CDYL2: variants seen among roughly 807,000 people sequenced by gnomAD.
CDYL2 encodes chromodomain Y-like protein 2.
In CDYL2, 23 loss-of-function variants were observed where a neutral mutation model predicts 49.4. The ratio of observed to expected loss-of-function variants is 0.47; its 90% CI spans 0.34 to 0.66. The LOEUF (loss-of-function observed/expected upper bound fraction) is 0.66, where lower values mean the gene tolerates loss of function less well. Ranked by LOEUF, CDYL2 falls within the 30% of genes least tolerant of loss-of-function variation. The pLI is 0.01. For missense variants in CDYL2, 678 were observed against 656.4 expected (o/e 1.03, Z -0.36); for synonymous variants, 360 against 268.8 (o/e 1.34, Z -3.32).
chr16:80,693,382 A>G (rs1910495120), intron 1 of CDYL2, among the ~76,000 whole-genome samples: 1 of 152,368 alleles, frequency 6.6e-6, no homozygotes, highest in East Asian at 1.9e-4. Context: ...AATAAGGTCT[A>G]TATTGCAAAA....
At chr16:80,642,353 G>T (rs1908135120) in intron 2 of CDYL2, among the ~76,000 whole-genome samples, 1 of 152,146 alleles carries the variant, frequency 6.6e-6, no homozygotes, top group South Asian at 2.1e-4. Flanking sequence ...TGAGTTGAGA[G>T]AATGGCTTGA....
At chr16:80,767,538 G>A (rs777133982) in intron 1 of CDYL2, among the ~76,000 whole-genome samples, 2 of 152,138 alleles carry the variant, frequency 1.3e-5, no homozygotes, top group Non-Finnish European at 2.9e-5. Flanking sequence ...CCATCAGGTG[G>A]TCATAAAATA....
At chr16:80,773,266 G>C (rs1329429056) in intron 1 of CDYL2, among the ~76,000 whole-genome samples, 2 of 152,076 alleles carry the variant, frequency 1.3e-5, no homozygotes, top group Non-Finnish European at 2.9e-5. Flanking sequence ...AGTTATAATT[G>C]TGTATGCACT....
In CDYL2 at chr16:80,606,335, GCAGTATTC is replaced by G. The variant is rs543967252; in HGVS notation, c.1362+1749_1362+1756del. On this transcript the variant is annotated intron_variant, in intron 6 of 6. Coordinates refer to ENST00000570137, the MANE Select transcript of CDYL2 (RefSeq NM_152342.4). Reference sequence around the variant, plus strand: ...AGCTTTTGGCAGCAGAGACCTCCTTGCAGTATTCCTTGTCCTAAGAGCCTGTACCCTCA... The same window carrying G: ...AGCTTTTGGCAGCAGAGACCTCCTTGCTTGTCCTAAGAGCCTGTACCCTCA... 2.9e-3 allele frequency among the ~76,000 whole-genome samples: 443 copies of G among 152,342 alleles called. 4 individuals are homozygous for G. The highest frequency in any genetic ancestry group is 0.01 in the African/African-American group (428 of 41,586).
intron 1 of CDYL2, among the ~76,000 whole-genome samples, chr16:80,693,145 G>A (rs1249557054): frequency 6.6e-6 from 1 of 151,826 alleles, no homozygotes; most frequent in East Asian, 1.9e-4. Flanking sequence ...GGCGGGGTGG[G>A]GGTGAGAGTG....
intron 1 of CDYL2, among the ~76,000 whole-genome samples, chr16:80,699,988 CTCCCGAGTAGCTGGGACTACAGG>C (rs1334853647): frequency 6.6e-6 from 1 of 152,160 alleles, no homozygotes; most frequent in African/African-American, 2.4e-5. Context: ...CTGCCTCAGC[CTCCCGAGTAGCTGGGACTACAGG>C]TGCCTGCAAC....
chr16:80,790,853 G>C (rs778765712), intron 1 of CDYL2, among the ~76,000 whole-genome samples: 1 of 152,160 alleles, frequency 6.6e-6, no homozygotes, highest in Non-Finnish European at 1.5e-5. Context: ...TCTTGCATAA[G>C]AAAGCGATAA....
chr16:80,722,718 T>A (rs7200532), intron 1 of CDYL2, among the ~76,000 whole-genome samples: 4 of 152,236 alleles, frequency 2.6e-5, no homozygotes, highest in Middle Eastern at 6.8e-3. Context: ...CAAGATACTG[T>A]GCTCCTTCTT....
rs1910120721 is a variant in CDYL2 at position 80,684,848 on chromosome 16, G to T, written c.306C>A (p.Thr102=). Residue 102 remains threonine, a synonymous_variant, in exon 2 of 7, where the codon ACC becomes ACA. Transcript: ENST00000570137. ...GGTTAATTCGCTTCCGTTTATGGGA[G>T]GTCCCCTTGCTCTTTCCAGGATCTG... is the stretch of plus-strand genomic sequence containing the variant. ...RPSDPGKSKG[T]SHKRKRINPP... 1.2e-6 allele frequency: 2 copies of T among 1,614,020 alleles called. No homozygotes were observed. The highest frequency in any genetic ancestry group is 1.1e-5 in the South Asian group (1 of 91,088).
chr16:80,676,270 G>C (rs1909738864), intron 2 of CDYL2, among the ~76,000 whole-genome samples: 2 of 152,176 alleles, frequency 1.3e-5, no homozygotes, highest in African/African-American at 4.8e-5. Flanking sequence ...AGTTTTTGTT[G>C]TTACTGACTT....
intron 1 of CDYL2, among the ~76,000 whole-genome samples, chr16:80,759,812 C>A (rs1906465330): frequency 6.6e-6 from 1 of 152,152 alleles, no homozygotes; most frequent in African/African-American, 2.4e-5. Context: ...GTAAAAGATT[C>A]CCTAAGACCA....
Position 80,673,756 on chromosome 16 carries a change from G to C in CDYL2, c.616+10782C>G, listed in dbSNP as rs141997402. Among the ~76,000 whole-genome samples the C allele has an allele frequency of 2.0e-5, 3 of 152,282 alleles. No individual in the cohort carries two copies. The East Asian group carries it at 5.8e-4, about 29-fold the overall frequency. On this transcript the variant is annotated intron_variant, in intron 2 of 6. Transcript: ENST00000570137. ...CCTGGGACCTATGAATGTGGTACCTGACATGGCAAAAAGGACTTTGTGAAT... is the reference window on the plus strand; with the variant it reads ...CCTGGGACCTATGAATGTGGTACCTCACATGGCAAAAAGGACTTTGTGAAT...
chr16:80,743,420 A>C (rs537205471), intron 1 of CDYL2, among the ~76,000 whole-genome samples: 79 of 152,352 alleles, frequency 5.2e-4, no homozygotes, highest in African/African-American at 1.9e-3. Context: ...AAGGAACCAC[A>C]GACAAAAAGC....
intron 2 of CDYL2, among the ~76,000 whole-genome samples, chr16:80,642,675 A>C (rs1908153432): frequency 6.6e-6 from 1 of 152,172 alleles, no homozygotes; most frequent in Non-Finnish European, 1.5e-5. Context: ...GGTGAAAGGC[A>C]CTTCTTACAT....
intron 1 of CDYL2, among the ~76,000 whole-genome samples, chr16:80,778,761 A>G (rs1907171866): frequency 6.6e-6 from 1 of 152,190 alleles, no homozygotes; most frequent in East Asian, 1.9e-4. Flanking sequence ...ACCAAATAAT[A>G]AAATGTGTTC....
intron 1 of CDYL2, among the ~76,000 whole-genome samples, chr16:80,794,996 TTGAC>T (rs1227195013): frequency 2.6e-5 from 4 of 152,288 alleles, no homozygotes; most frequent in African/African-American, 9.6e-5. Flanking sequence ...AAATAAAAAT[TTGAC>T]TGATGGATCA....
In CDYL2 at chr16:80,612,793, C is replaced by A. The variant is rs1247897349; in HGVS notation, c.1051G>T (p.Val351Leu). ...CCCAGGGCCGGCCCATTGATGGCCA[C>A]CACGATAGGCTTCTTAAACTGGATA... ...AFIQFKKPIV[V>L]AINGPALGLG... The change falls in exon 5 of 7, where the codon GTG becomes TTG. Residue 351 changes from valine (V) to leucine (L), a missense_variant. By Grantham distance (32) the Val-to-Leu change is conservative. This residue lies in a region of CDYL2 where 47 missense variants were observed against 78.8 expected (regional missense o/e 0.60). Coordinates refer to ENST00000570137, the MANE Select transcript of CDYL2 (RefSeq NM_152342.4). This position sits in a 1 kb window ranked among gnomAD's most constrained non-coding sequence, Gnocchi z 5.0. The A allele has an allele frequency of 6.2e-7, 1 of 1,613,822 alleles. No individual in the cohort carries two copies. The highest frequency in any genetic ancestry group is 1.7e-5 in the Admixed American group (1 of 60,012).
In CDYL2 at chr16:80,619,712, G is replaced by A. The variant is rs149452115; in HGVS notation, c.1007+1051C>T. Among the ~76,000 whole-genome samples the A allele has an allele frequency of 8.4e-4, 128 of 152,316 alleles. 1 individual carries two copies. In the East Asian group the frequency reaches 0.023, roughly 27 times the overall value. On this transcript the variant is annotated intron_variant, in intron 4 of 6. Coordinates refer to ENST00000570137, the MANE Select transcript of CDYL2 (RefSeq NM_152342.4). Reference sequence around the variant, plus strand: ...ACACCTTTCACATAACAGTGCCCAGGCTCGTCATGTCTCTTCTGGCAAGGA... The same window carrying A: ...ACACCTTTCACATAACAGTGCCCAGACTCGTCATGTCTCTTCTGGCAAGGA...
intron 1 of CDYL2, among the ~76,000 whole-genome samples, chr16:80,792,540 A>G (rs994132792): frequency 6.6e-6 from 1 of 152,176 alleles, no homozygotes; most frequent in African/African-American, 2.4e-5. Context: ...TGCAACAAGA[A>G]GCTGCAAATG....
Sources: allele counts gnomAD v4.1 joint callset (sites outside exome capture counted in the v4.1 genomes callset), GRCh38; gene constraint gnomAD v4.1.1; regional missense constraint gnomAD v4.1.1; non-coding constraint Gnocchi (gnomAD v3.1); transcripts MANE v1.5; gene names NCBI Gene and HGNC (gene_info 2026-07-23, HGNC 2026-07-21).